Variants in PHTF2 observed in about 807,000 individuals in gnomAD.
PHTF2 encodes protein PHTF2.
A neutral mutation model predicts 101.2 loss-of-function variants in PHTF2; 60 were observed. The ratio of observed to expected loss-of-function variants is 0.59; its 90% CI spans 0.48 to 0.73. PHTF2 has a LOEUF of 0.73. Ranked by LOEUF, PHTF2 falls within the 30% of genes least tolerant of loss-of-function variation. PHTF2 has a pLI of 0.00. For missense variants in PHTF2, 747 were observed against 908.7 expected, an observed-to-expected ratio of 0.82 and a Z score of 2.29; for synonymous variants, 311 against 307.3, an observed-to-expected ratio of 1.01 and a Z score of -0.13.
intron 3 of PHTF2, among the ~76,000 whole-genome samples, chr7:77,891,034 A>G (rs1202893045): frequency 6.7e-6 from 1 of 150,102 alleles, no homozygotes; most frequent in Non-Finnish European, 1.5e-5. Context: ...CAGCCTCCTG[A>G]GTAGCTGGGA....
intron 3 of PHTF2, among the ~76,000 whole-genome samples, chr7:77,859,589 G>T: frequency 6.7e-6 from 1 of 148,744 alleles, no homozygotes. Context: ...TTTGAAGCAG[G>T]GTCTCTCTGT....
In PHTF2 at chr7:77,837,076, C is replaced by T. The variant is rs190759499; in HGVS notation, c.-35-3145C>T. 1.1e-4 allele frequency among the ~76,000 whole-genome samples: 16 copies of T among 151,830 alleles called. No individual in the cohort carries two copies. In the East Asian group the frequency reaches 1.9e-3, roughly 18 times the overall value. On this transcript the variant is annotated intron_variant, in intron 1 of 19. Transcript: ENST00000416283. ...TAGAGTTAACTGCCTAATGTTATGC[C>T]TGCAGTTAGCCCTATGGTTTTAGGA...
At position 77,951,126 on chromosome 7, in the gene PHTF2, TA is replaced by T. The variant is rs576498037; in HGVS notation, c.2116-490del. On this transcript the variant is annotated intron_variant, in intron 17 of 19. Coordinates refer to ENST00000416283, the Ensembl canonical transcript of PHTF2. ...AGAGTGGATAATAAAAATACACAAA[TA>T]TTTTTGAGTGACTTTCAAATAAATC... Among the ~76,000 whole-genome samples the T allele has an allele frequency of 2.2e-3, 342 of 152,260 alleles. 2 individuals carry two copies. Among genetic ancestry groups the T allele is most frequent in the Non-Finnish European group, 4.2e-3 (283 of 68,020 alleles).
intron 3 of PHTF2, among the ~76,000 whole-genome samples, chr7:77,880,858 G>A (rs1025115711): frequency 2.0e-5 from 3 of 152,178 alleles, no homozygotes; most frequent in Non-Finnish European, 4.4e-5. Context: ...GGTGTTTGGT[G>A]GTAGAGTATG....
At chr7:77,870,403 G>T (rs991772613) in intron 3 of PHTF2, among the ~76,000 whole-genome samples, 1 of 152,126 alleles carries the variant, frequency 6.6e-6, no homozygotes, top group Non-Finnish European at 1.5e-5. Flanking sequence ...GAGCCAATCC[G>T]AGTTCCAAAA....
intron 3 of PHTF2, among the ~76,000 whole-genome samples, chr7:77,879,532 A>G (rs1042785773): frequency 6.6e-6 from 1 of 152,180 alleles, no homozygotes; most frequent in Non-Finnish European, 1.5e-5. Context: ...TTATTTCCAC[A>G]ACCACCTAAT....
intron 9 of PHTF2, among the ~76,000 whole-genome samples, chr7:77,914,868 T>A (rs1802754428): frequency 6.6e-6 from 1 of 152,224 alleles, no homozygotes; most frequent in Non-Finnish European, 1.5e-5. Flanking sequence ...CTGAGCTGTC[T>A]TCTAAATATA....
chr7:77,942,154 A>G (rs1805685782), intron 15 of PHTF2, among the ~76,000 whole-genome samples: 1 of 151,832 alleles, frequency 6.6e-6, no homozygotes, highest in Admixed American at 6.6e-5. Context: ...TGTAAATATC[A>G]CTTCCTTAGG....
exon 19 of PHTF2, chr7:77,953,805 A>G: frequency 1.9e-6 from 3 of 1,613,332 alleles, no homozygotes; most frequent in Non-Finnish European, 2.5e-6. Context: ...TGGGCTTACA[A>G]TGAATCCGCT....
At chr7:77,934,642 A>C (rs1025724831) in intron 12 of PHTF2, among the ~76,000 whole-genome samples, 1 of 152,372 alleles carries the variant, frequency 6.6e-6, no homozygotes, top group South Asian at 2.1e-4. Context: ...TTTAAGTTCT[A>C]AATTTTAGTT....
intron 9 of PHTF2, among the ~76,000 whole-genome samples, chr7:77,911,122 A>C: frequency 6.6e-6 from 1 of 152,332 alleles, no homozygotes; most frequent in East Asian, 1.9e-4. Context: ...AATAAAATGT[A>C]TATTATAGTA....
At chr7:77,801,734 A>G (rs1204175106) in intron 1 of PHTF2, among the ~76,000 whole-genome samples, 1 of 152,346 alleles carries the variant, frequency 6.6e-6, no homozygotes, top group East Asian at 1.9e-4. Flanking sequence ...CTTGAGTCCC[A>G]TCTCTAAGAT....
At chr7:77,909,158 T>C in intron 8 of PHTF2, 200 bp downstream of exon 7, 1 of 436,514 alleles carries the variant, frequency 2.3e-6, no homozygotes, top group Non-Finnish European at 4.0e-6. Flanking sequence ...CACATGCCTG[T>C]GTTTTTGTTT....
rs74487411 is a variant in PHTF2 at position 77,825,290 on chromosome 7, C to T, written c.-35-14931C>T. ...ATGACAAGGCTTCTAATCCCAGCCCCGTATCCCAGAAACAAGACAAAGGAA... is the reference window on the plus strand; with the variant it reads ...ATGACAAGGCTTCTAATCCCAGCCCTGTATCCCAGAAACAAGACAAAGGAA... On this transcript the variant is annotated intron_variant, in intron 1 of 19. Transcript: ENST00000416283. 9.8e-3 allele frequency among the ~76,000 whole-genome samples: 1,487 copies of T among 152,212 alleles called. 29 individuals are homozygous for T. Among genetic ancestry groups the T allele is most frequent in the African/African-American group, 0.033 (1,386 of 41,516 alleles).
chr7:77,840,127 T>TG, intron 1 of PHTF2, 94 bp from the exon 2 acceptor site: 1 of 636,962 alleles, frequency 1.6e-6, no homozygotes. Context: ...CCCCTTGCTC[T>TG]GCAAGTAACC....
chr7:77,820,534 GTGTGTGTGTT>G (rs1794201442), intron 1 of PHTF2, among the ~76,000 whole-genome samples: 1 of 151,766 alleles, frequency 6.6e-6, no homozygotes, highest in Non-Finnish European at 1.5e-5. Context: ...GTGTGTGCGT[GTGTGTGTGTT>G]TGTGTATACG....
chr7:77,884,986 T>A (rs1220123753), intron 3 of PHTF2, among the ~76,000 whole-genome samples: 1 of 152,236 alleles, frequency 6.6e-6, no homozygotes, highest in Non-Finnish European at 1.5e-5. Flanking sequence ...TAACATCTTA[T>A]GATTGATGAT....
At chr7:77,801,793 T>C (rs1228850102) in intron 1 of PHTF2, among the ~76,000 whole-genome samples, 2 of 152,210 alleles carry the variant, frequency 1.3e-5, no homozygotes, top group African/African-American at 4.8e-5. Context: ...TCCAAAATGC[T>C]TGTGGTCCCA....
chr7:77,892,950 C>T (rs1378600082), intron 3 of PHTF2, among the ~76,000 whole-genome samples: 1 of 152,100 alleles, frequency 6.6e-6, no homozygotes, highest in Non-Finnish European at 1.5e-5. Flanking sequence ...TACTTGTCTT[C>T]TTTAAAAATA....
Sources: allele counts gnomAD v4.1 joint callset (sites outside exome capture counted in the v4.1 genomes callset), GRCh38; gene constraint gnomAD v4.1.1; transcripts MANE v1.5; gene names NCBI Gene and HGNC (gene_info 2026-07-23, HGNC 2026-07-21).